Variants in PXDNL observed in about 807,000 individuals in gnomAD.
The protein encoded by PXDNL is peroxidasin like, also known as probable oxidoreductase PXDNL.
PXDNL carries 145 observed loss-of-function variants against 150.8 expected under a neutral mutation model. The observed-to-expected ratio is 0.96, with a 90% CI of 0.84 to 1.10. The LOEUF is 1.10. Ranked by LOEUF, PXDNL falls within the 50% of genes least tolerant of loss-of-function variation. The pLI is 0.00. For missense variants in PXDNL, 2,087 were observed against 1,873.9 expected (o/e 1.11, Z -2.10); for synonymous variants, 757 against 725.7 (o/e 1.04, Z -0.69).
At chr8:51,762,912 AG>A (rs1295809678) in intron 1 of PXDNL, among the ~76,000 whole-genome samples, 2 of 152,356 alleles carry the variant, frequency 1.3e-5, no homozygotes, top group East Asian at 3.9e-4. Context: ...AACAAGCCAA[AG>A]GGAAAAAAGA....
chr8:51,677,621 G>A (rs947227986), intron 1 of PXDNL, among the ~76,000 whole-genome samples: 2 of 152,120 alleles, frequency 1.3e-5, no homozygotes, highest in Non-Finnish European at 2.9e-5. Flanking sequence ...AAAAATAAAT[G>A]AGTAAATAAC....
chr8:51,739,369 G>A (rs971238281), intron 1 of PXDNL, among the ~76,000 whole-genome samples: 13 of 152,098 alleles, frequency 8.5e-5, no homozygotes, highest in Non-Finnish European at 1.8e-4. Context: ...AGAAACAGGA[G>A]TGTCACCGCT....
At chr8:51,325,591 C>T (rs1367031325) in intron 21 of PXDNL, among the ~76,000 whole-genome samples, 1 of 152,190 alleles carries the variant, frequency 6.6e-6, no homozygotes, top group South Asian at 2.1e-4. Context: ...AGCCTCATCA[C>T]CCCCTGGTAA....
chr8:51,353,227 A>G lies in PXDNL; in HGVS notation c.3902-7280T>C, dbSNP rs534030886. Among the ~76,000 whole-genome samples the G allele has an allele frequency of 5.1e-4, 77 of 150,276 alleles. 1 individual carries two copies. The highest frequency in any genetic ancestry group is 9.5e-4 in the Non-Finnish European group (64 of 67,598). Reference sequence around the variant, plus strand: ...GATGAATATATAATTTCTTATAGTTATTACTTCTCCTTCCTTTATTTTTTA... The same window carrying G: ...GATGAATATATAATTTCTTATAGTTGTTACTTCTCCTTCCTTTATTTTTTA... On this transcript the variant is annotated intron_variant, in intron 19 of 22. Transcript: ENST00000356297.
At chr8:51,660,468 T>C (rs544644050) in intron 1 of PXDNL, among the ~76,000 whole-genome samples, 4 of 152,204 alleles carry the variant, frequency 2.6e-5, no homozygotes, top group African/African-American at 4.8e-5. Context: ...AAGAATCTCA[T>C]GCTCAGAGAG....
chr8:51,508,218 G>C (rs1811332697), intron 4 of PXDNL, among the ~76,000 whole-genome samples: 1 of 152,218 alleles, frequency 6.6e-6, no homozygotes, highest in Non-Finnish European at 1.5e-5. Context: ...ATCGTCTCTT[G>C]TCACAAGGAA....
chr8:51,749,632 C>CT (rs1387704778), intron 1 of PXDNL, among the ~76,000 whole-genome samples: 2 of 152,184 alleles, frequency 1.3e-5, no homozygotes, highest in Non-Finnish European at 2.9e-5. Flanking sequence ...ATGTGAAGGC[C>CT]TAGGACATTA....
intron 2 of PXDNL, among the ~76,000 whole-genome samples, chr8:51,637,198 C>T (rs1363181495): frequency 6.6e-6 from 1 of 152,102 alleles, no homozygotes; most frequent in African/African-American, 2.4e-5. Context: ...CTGTATGTTA[C>T]CATCATCAAA....
chr8:51,470,506 C>A (rs118164640), intron 8 of PXDNL, among the ~76,000 whole-genome samples: 2,524 of 152,124 alleles, frequency 0.017, 32 homozygotes, highest in Non-Finnish European at 0.024. Flanking sequence ...CACATGAAAA[C>A]CATGGTAATT....
chr8:51,785,505 C>T (rs1301868201), intron 1 of PXDNL, among the ~76,000 whole-genome samples: 1 of 152,214 alleles, frequency 6.6e-6, no homozygotes, highest in Non-Finnish European at 1.5e-5. Flanking sequence ...GACATTTTCC[C>T]AACAGCATGT....
chr8:51,623,401 G>C (rs1212472635), intron 2 of PXDNL, among the ~76,000 whole-genome samples: 1 of 152,256 alleles, frequency 6.6e-6, no homozygotes, highest in African/African-American at 2.4e-5. Flanking sequence ...AAAGCACTTA[G>C]AAGAGGTGGT....
At chr8:51,720,328 AT>A (rs1170704579) in intron 1 of PXDNL, among the ~76,000 whole-genome samples, 2 of 151,992 alleles carry the variant, frequency 1.3e-5, no homozygotes, top group East Asian at 3.9e-4. Context: ...ATACTCAGTA[AT>A]TTTTTATTAC....
intron 2 of PXDNL, among the ~76,000 whole-genome samples, chr8:51,617,922 G>C (rs964381088): frequency 6.6e-6 from 1 of 152,176 alleles, no homozygotes; most frequent in Non-Finnish European, 1.5e-5. Context: ...ATGCATGCAG[G>C]CGCACACGCA....
At position 51,641,412 on chromosome 8, in the gene PXDNL, C is replaced by T. The variant is rs539238851; in HGVS notation, c.236+13277G>A. On this transcript the variant is annotated intron_variant, in intron 2 of 22. Transcript: ENST00000356297. ...CAAAAGAAACTACCATCAGAGTGAA[C>T]AGGCAACCTAAAAAATGGGAGAAAA... is the stretch of plus-strand genomic sequence containing the variant. Among the ~76,000 whole-genome samples the T allele has an allele frequency of 4.7e-5, 7 of 150,318 alleles. No homozygotes were observed. The East Asian group carries it at 1.4e-3, about 29-fold the overall frequency.
At chr8:51,406,970 TG>T (rs1160445076) in intron 17 of PXDNL, among the ~76,000 whole-genome samples, 2 of 152,212 alleles carry the variant, frequency 1.3e-5, no homozygotes, top group African/African-American at 2.4e-5. Flanking sequence ...GCAGGAGGAA[TG>T]GGGCCAAGTA....
intron 3 of PXDNL, among the ~76,000 whole-genome samples, chr8:51,576,775 C>T (rs1813063686): frequency 6.6e-6 from 1 of 151,520 alleles, no homozygotes; most frequent in African/African-American, 2.4e-5. Context: ...CCAAGACTGA[C>T]AAAGAACAAA....
intron 3 of PXDNL, among the ~76,000 whole-genome samples, chr8:51,573,906 A>C (rs1812997398): frequency 6.6e-6 from 1 of 152,070 alleles, no homozygotes; most frequent in African/African-American, 2.4e-5. Flanking sequence ...ATTTCGAAGA[A>C]AATGAGATTA....
rs1029284976 is a variant in PXDNL at position 51,574,445 on chromosome 8, A to T, written c.309-17534T>A. On this transcript the variant is annotated intron_variant, in intron 3 of 22. Coordinates refer to ENST00000356297, the MANE Select transcript of PXDNL (RefSeq NM_144651.5). ...GTGTGACCATAACAAAATATCTGGTATTTTTTTTTCAACACAGTCCTAGGA... is the reference window on the plus strand; with the variant it reads ...GTGTGACCATAACAAAATATCTGGTTTTTTTTTTTCAACACAGTCCTAGGA... Among the ~76,000 whole-genome samples, 37 of 150,944 alleles carry T rather than the reference A, an allele frequency of 2.5e-4. 1 individual carries two copies. The highest frequency in any genetic ancestry group is 3.0e-5 in the Non-Finnish European group (2 of 67,594).
At chr8:51,370,654 T>A (rs1423978473) in intron 19 of PXDNL, among the ~76,000 whole-genome samples, 1 of 152,192 alleles carries the variant, frequency 6.6e-6, no homozygotes, top group Admixed American at 6.5e-5. Flanking sequence ...TGGAGTGCAA[T>A]GGCACAATCT....
Sources: allele counts gnomAD v4.1 joint callset (sites outside exome capture counted in the v4.1 genomes callset), GRCh38; gene constraint gnomAD v4.1.1; transcripts MANE v1.5; gene names NCBI Gene and HGNC (gene_info 2026-07-23, HGNC 2026-07-21).